Variants in KCNJ12 observed in about 807,000 individuals in gnomAD.
KCNJ12 encodes ATP-sensitive inward rectifier potassium channel 12.
A neutral mutation model predicts 22.3 loss-of-function variants in KCNJ12; 2 were observed. The ratio of observed to expected loss-of-function variants is 0.09; its 90% CI spans 0.04 to 0.28. KCNJ12 has a LOEUF of 0.28. Ranked by LOEUF, KCNJ12 falls within the 10% of genes least tolerant of loss-of-function variation. The probability of loss-of-function intolerance (pLI) is 1.00; values close to 1 mark genes in which losing one functional copy is unlikely to be tolerated. For missense variants in KCNJ12, 155 were observed against 633.3 expected (o/e 0.24, Z 8.11); for synonymous variants, 117 against 261.4 (o/e 0.45, Z 5.33).
At chr17:21,393,795 T>A (rs1390287227) in intron 1 of KCNJ12, among the ~76,000 whole-genome samples, 1 of 152,216 alleles carries the variant, frequency 6.6e-6, no homozygotes, top group Non-Finnish European at 1.5e-5. Context: ...CCCCCAGGCC[T>A]TCACCGCCCG....
chr17:21,403,048 C>G (rs1460513879), intron 1 of KCNJ12, among the ~76,000 whole-genome samples: 10 of 152,300 alleles, frequency 6.6e-5, no homozygotes, highest in Admixed American at 3.3e-4. Context: ...CCTAGGGGCT[C>G]AAGAAACATG....
At chr17:21,411,076 C>T (rs1362548981) in intron 2 of KCNJ12, among the ~76,000 whole-genome samples, 5 of 152,304 alleles carry the variant, frequency 3.3e-5, no homozygotes, top group African/African-American at 9.6e-5. Flanking sequence ...TGCACTCTCC[C>T]TTCCGGTCAG....
chr17:21,397,536 G>A (rs1424767258), intron 1 of KCNJ12, among the ~76,000 whole-genome samples: 1 of 152,248 alleles, frequency 6.6e-6, no homozygotes, highest in East Asian at 1.9e-4. Context: ...AGGCTGATGA[G>A]CTGGCCTGGG....
chr17:21,397,153 G>A (rs1382020711), intron 1 of KCNJ12, among the ~76,000 whole-genome samples: 1 of 152,208 alleles, frequency 6.6e-6, no homozygotes, highest in Non-Finnish European at 1.5e-5. Context: ...CTTATAGGCT[G>A]TTTGGCCTTG....
chr17:21,400,287 C>T (rs1397792853), intron 1 of KCNJ12, among the ~76,000 whole-genome samples: 18 of 152,374 alleles, frequency 1.2e-4, no homozygotes, highest in African/African-American at 4.3e-4. Context: ...CATTTCCCTG[C>T]CCCTCCCTCC....
intron 1 of KCNJ12, among the ~76,000 whole-genome samples, chr17:21,398,843 G>A (rs1337397006): frequency 1.3e-5 from 2 of 152,266 alleles, no homozygotes; most frequent in Non-Finnish European, 2.9e-5. Context: ...TGTATCATGT[G>A]TGTGGTGTGC....
intron 1 of KCNJ12, among the ~76,000 whole-genome samples, chr17:21,399,543 C>T (rs1905501259): frequency 6.6e-6 from 1 of 152,188 alleles, no homozygotes; most frequent in Non-Finnish European, 1.5e-5. Context: ...AGGGGCCAGA[C>T]ACCAGGGCCC....
At chr17:21,414,926 G>A (rs1458051057) in intron 2 of KCNJ12, among the ~76,000 whole-genome samples, 1 of 152,306 alleles carries the variant, frequency 6.6e-6, no homozygotes, top group African/African-American at 2.4e-5. Context: ...TGGAGACTGG[G>A]GGGCCATGGG....
chr17:21,380,509 C>G (rs1555557796), intron 1 of KCNJ12, among the ~76,000 whole-genome samples: 2 of 152,148 alleles, frequency 1.3e-5, no homozygotes, highest in African/African-American at 4.8e-5. Context: ...GGTCACTCTT[C>G]CTGGCCTCAG....
At chr17:21,394,871 G>C (rs1905299818) in intron 1 of KCNJ12, among the ~76,000 whole-genome samples, 1 of 152,300 alleles carries the variant, frequency 6.6e-6, no homozygotes, top group Admixed American at 6.5e-5. Context: ...TTCTTTCCAG[G>C]CCCTGCTGGG....
At chr17:21,382,571 T>A (rs1353415162) in intron 1 of KCNJ12, among the ~76,000 whole-genome samples, 2 of 152,194 alleles carry the variant, frequency 1.3e-5, no homozygotes, top group Non-Finnish European at 2.9e-5. Context: ...CTCCAGCGGC[T>A]TTAGTGGCCA....
chr17:21,381,922 G>T (rs1353757313), intron 1 of KCNJ12, among the ~76,000 whole-genome samples: 5 of 152,206 alleles, frequency 3.3e-5, no homozygotes, highest in Non-Finnish European at 5.9e-5. Flanking sequence ...GCCAGGCCTG[G>T]TGCCTGACAT....
chr17:21,395,568 C>CAAAAAAAAAAAAAAAAA (rs10652801), intron 1 of KCNJ12, among the ~76,000 whole-genome samples: 38 of 48,110 alleles, frequency 7.9e-4, no homozygotes, highest in African/African-American at 1.1e-3. Context: ...GACTTCTTCT[C>CAAAAAAAAAAAAAAAAA]AAAAAAAAAA....
rs1465808157 is a variant in KCNJ12, at chr17:21,418,983, A to C, written c.*2339A>C. 1.2e-5 allele frequency: 2 copies of C among 166,904 alleles called. No homozygotes were observed. The highest frequency in any genetic ancestry group is 4.8e-5 in the African/African-American group (2 of 41,428). The allele number at this position is 166,904 out of a possible 1,614,324, so 10.3% of individuals were successfully genotyped here. A position where few individuals can be genotyped will look rare whatever the true frequency, so the allele number is the denominator to read the frequency against. On this transcript the variant is annotated 3_prime_UTR_variant, in exon 3 of 3. Coordinates refer to ENST00000583088, the MANE Select transcript of KCNJ12 (RefSeq NM_021012.5). ...TACCTCCCAGCCCCCACCCTGCGGG[A>C]GAGCAGCCCCAGCGCCTCATCTCCC...
intron 2 of KCNJ12, among the ~76,000 whole-genome samples, chr17:21,410,858 CAG>C (rs1906292793): frequency 6.6e-6 from 1 of 152,306 alleles, no homozygotes; most frequent in Non-Finnish European, 1.5e-5. Flanking sequence ...ATAATAATCA[CAG>C]TGTGATGGAA....
intron 1 of KCNJ12, among the ~76,000 whole-genome samples, chr17:21,390,739 G>A (rs1296393740): frequency 6.6e-6 from 1 of 152,136 alleles, no homozygotes; most frequent in Non-Finnish European, 1.5e-5. Flanking sequence ...GGCTGTGGTT[G>A]GTTTCAAATC....
intron 1 of KCNJ12, among the ~76,000 whole-genome samples, chr17:21,395,568 C>CAAAAAAAAAAAA (rs10652801): frequency 1.5e-3 from 72 of 47,926 alleles, no homozygotes; most frequent in East Asian, 1.9e-3. Context: ...GACTTCTTCT[C>CAAAAAAAAAAAA]AAAAAAAAAA....
At position 21,416,443 on chromosome 17, in the gene KCNJ12, C is replaced by A; in HGVS notation, c.1101C>A (p.Phe367Leu). The A allele has an allele frequency of 6.2e-7, 1 of 1,614,092 alleles. No homozygotes were observed. Among genetic ancestry groups the A allele is most frequent in the South Asian group, 1.1e-5 (1 of 91,092 alleles). Residue 367 changes from phenylalanine to leucine, a missense_variant, in exon 3 of 3, where the codon TTC becomes TTA. Physicochemically the swap from Phe to Leu is conservative, Grantham distance 22. Transcript: ENST00000583088. ...CSAKDLVENK[F>L]LLPSANSFCY... is the part of the protein sequence containing the mutation. ...CGAAGGATCTGGTAGAGAACAAGTTCCTGCTGCCCAGCGCCAACTCCTTCT... is the reference window on the plus strand; with the variant it reads ...CGAAGGATCTGGTAGAGAACAAGTTACTGCTGCCCAGCGCCAACTCCTTCT...
chr17:21,384,491 C>T (rs1428868367), intron 1 of KCNJ12, among the ~76,000 whole-genome samples: 3 of 152,174 alleles, frequency 2.0e-5, no homozygotes, highest in Non-Finnish European at 4.4e-5. Context: ...CCTCCATCCC[C>T]AGAGCTCAGA....
Sources: gnomAD v4.1 joint callset for allele counts (sites outside exome capture counted in the v4.1 genomes callset) on GRCh38, gnomAD v4.1.1 for gene constraint, MANE v1.5 for transcripts, NCBI Gene and HGNC (gene_info 2026-07-23, HGNC 2026-07-21) for gene names.